Variants in RAD54L2 observed in about 807,000 individuals in gnomAD.
The protein encoded by RAD54L2 is helicase ARIP4.
RAD54L2 carries 27 observed loss-of-function variants against 138.4 expected under a neutral mutation model. The observed-to-expected ratio is 0.20, with a 90% CI of 0.14 to 0.27. The LOEUF (loss-of-function observed/expected upper bound fraction) is 0.27. Among genes scored for constraint, RAD54L2 ranks in the 10% least tolerant of loss-of-function variants. The pLI is 1.00. For synonymous variants in RAD54L2, 644 were observed against 723.2 expected, an observed-to-expected ratio of 0.89 and a Z score of 1.76; for missense variants, 1,396 against 1,890.2, an observed-to-expected ratio of 0.74 and a Z score of 4.85.
intron 2 of RAD54L2, among the ~76,000 whole-genome samples, chr3:51,547,281 C>T (rs1280610319): frequency 2.0e-5 from 3 of 151,728 alleles, no homozygotes; most frequent in South Asian, 4.2e-4. Flanking sequence ...GAGATCGAGG[C>T]GGGACGATTG....
chr3:51,643,135 A>G (rs960167850), intron 15 of RAD54L2, among the ~76,000 whole-genome samples: 1 of 149,074 alleles, frequency 6.7e-6, no homozygotes, highest in African/African-American at 2.5e-5. Flanking sequence ...TCCCAGGTTC[A>G]AGTGATTCTC....
chr3:51,587,770 C>T (rs988997132), intron 2 of RAD54L2, among the ~76,000 whole-genome samples: 2 of 152,042 alleles, frequency 1.3e-5, no homozygotes, highest in Non-Finnish European at 2.9e-5. Flanking sequence ...TTCAAATTAT[C>T]TGAAGCTTAG....
At chr3:51,570,796 T>C (rs1287405118) in intron 2 of RAD54L2, among the ~76,000 whole-genome samples, 1 of 152,188 alleles carries the variant, frequency 6.6e-6, no homozygotes. Flanking sequence ...GCGTGGTGTC[T>C]TTGTACAGAA....
Position 51,638,522 on chromosome 3 carries a change from A to G in RAD54L2, c.1860+201A>G. The G allele has an allele frequency of 1.7e-6, 1 of 600,608 alleles. No homozygotes were observed. 37.2% of individuals were successfully genotyped at this position (600,608 alleles called of 1,614,324 possible). The stretch of plus-strand genomic sequence containing the variant: ...CATAACTCCTGGGGGTGCCATTCAC[A>G]CAGTGTAATATAACTGATGCCCCCT... On this transcript the variant is annotated intron_variant, in intron 12 of 22. Coordinates refer to ENST00000684192, the MANE Select transcript of RAD54L2 (RefSeq NM_015106.4). The surrounding 1 kb of genome is among the most constrained non-coding windows in gnomAD (Gnocchi z 4.3).
At chr3:51,630,658 A>G in intron 6 of RAD54L2, 47 bp from the exon 7 acceptor site, 1 of 1,477,668 alleles carries the variant, frequency 6.8e-7, no homozygotes, top group Non-Finnish European at 9.4e-7. Flanking sequence ...GCAGTAAATT[A>G]TCTTCACTCC....
At chr3:51,563,212 C>A (rs777106585) in intron 2 of RAD54L2, among the ~76,000 whole-genome samples, 9 of 152,138 alleles carry the variant, frequency 5.9e-5, no homozygotes, top group Admixed American at 3.9e-4. Context: ...CATTGGTAAG[C>A]TGTTTTGTAA....
chr3:51,545,172 C>A (rs911045326), intron 2 of RAD54L2, among the ~76,000 whole-genome samples: 1 of 152,040 alleles, frequency 6.6e-6, no homozygotes, highest in Non-Finnish European at 1.5e-5. Flanking sequence ...TATTTAGTTA[C>A]CCTCCTGGAT....
intron 2 of RAD54L2, among the ~76,000 whole-genome samples, chr3:51,588,212 A>G (rs1444400034): frequency 1.4e-5 from 2 of 145,032 alleles, no homozygotes; most frequent in Admixed American, 1.4e-4. Context: ...AAAAAAAAAA[A>G]GATGATTTAC....
chr3:51,544,787 T>C (rs1189188422), intron 2 of RAD54L2, among the ~76,000 whole-genome samples: 1 of 152,172 alleles, frequency 6.6e-6, no homozygotes, highest in Admixed American at 6.6e-5. Context: ...GTATTTTTAG[T>C]ACAAAATTTC....
In RAD54L2 at chr3:51,630,911, C is replaced by T. The variant is rs745665693; in HGVS notation, c.805C>T (p.Arg269Trp). 8.1e-6 allele frequency: 13 copies of T among 1,613,154 alleles called. No homozygotes were observed. Among genetic ancestry groups the T allele is most frequent in the African/African-American group, 4.0e-5 (3 of 75,056 alleles). The change falls in exon 7 of 23, where the codon CGG becomes TGG. Residue 269 changes from arginine (R) to tryptophan (W), a missense_variant. Arg to Trp is a moderately radical substitution (Grantham distance 101). Coordinates refer to ENST00000684192, the MANE Select transcript of RAD54L2 (RefSeq NM_015106.4). Reference protein sequence around the residue: ...ENVFLAPQLARAVKPHQIGGI... With the variant: ...ENVFLAPQLAWAVKPHQIGGI... Reference sequence around the variant, plus strand: ...TGTCTTCCTTGCCCCACAGTTGGCACGGGCTGTGAAACCTCATCAGGTACA... The same window carrying T: ...TGTCTTCCTTGCCCCACAGTTGGCATGGGCTGTGAAACCTCATCAGGTACA...
intron 3 of RAD54L2, among the ~76,000 whole-genome samples, chr3:51,600,965 A>C (rs989072914): frequency 6.6e-6 from 1 of 152,050 alleles, no homozygotes; most frequent in South Asian, 2.1e-4. Flanking sequence ...ACTCCATCTC[A>C]AAAAAACAAA....
intron 2 of RAD54L2, among the ~76,000 whole-genome samples, chr3:51,575,375 A>G (rs974689520): frequency 6.6e-6 from 1 of 152,052 alleles, no homozygotes; most frequent in Non-Finnish European, 1.5e-5. Context: ...TTTTTTTCCA[A>G]TTCTGTGAAG....
Position 51,630,692 on chromosome 3 carries a change from T to C in RAD54L2, c.599-13T>C. ...CCCTGGATTTTTGGTTTTGCTTTTT[T>C]TTGCTGTCTCAGAGGTGATTGAACT... On this transcript the variant is annotated splice_polypyrimidine_tract_variant and intron_variant, in intron 6 of 22. Transcript: ENST00000684192. The C allele has an allele frequency of 6.2e-7, 1 of 1,608,850 alleles. No individual in the cohort carries two copies. Among genetic ancestry groups the C allele is most frequent in the Non-Finnish European group, 8.5e-7 (1 of 1,176,510 alleles).
At chr3:51,554,524 C>CAATAAATA (rs747180756) in intron 2 of RAD54L2, among the ~76,000 whole-genome samples, 5 of 151,718 alleles carry the variant, frequency 3.3e-5, no homozygotes, top group Admixed American at 6.6e-5. Context: ...AACTCCATCT[C>CAATAAATA]AATAAATAAA....
chr3:51,652,240 C>T (rs1284244814), intron 19 of RAD54L2, among the ~76,000 whole-genome samples: 4 of 152,106 alleles, frequency 2.6e-5, no homozygotes, highest in Admixed American at 6.6e-5. Context: ...TGTGAAGGAC[C>T]TCTTCAAGGA....
chr3:51,638,093 A>T lies in RAD54L2; in HGVS notation c.1683-51A>T. On this transcript the variant is annotated intron_variant, in intron 11 of 22. Transcript: ENST00000684192. This position sits in a 1 kb window ranked among gnomAD's most constrained non-coding sequence, Gnocchi z 4.3. ...AAGGCTCTGTTTTTATCTTGTGCTG[A>T]CCCCTCCTGGCCACACTACCTTGCC... 3 of 1,568,224 alleles carry T rather than the reference A, an allele frequency of 1.9e-6. No homozygotes were observed. The highest frequency in any genetic ancestry group is 2.6e-6 in the Non-Finnish European group (3 of 1,143,688).
In RAD54L2 at chr3:51,662,714, G is replaced by A. The variant is rs1167683806; in HGVS notation, c.3698G>A (p.Ser1233Asn). 1 of 1,613,872 alleles carries A rather than the reference G, an allele frequency of 6.2e-7. No individual in the cohort carries two copies. The highest frequency in any genetic ancestry group is 1.1e-5 in the South Asian group (1 of 91,042). The change falls in exon 23 of 23, where the codon AGT becomes AAT. Residue 1233 changes from serine (S) to asparagine (N), a missense_variant. Transcript: ENST00000684192. The surrounding 1 kb of genome is among the most constrained non-coding windows in gnomAD (Gnocchi z 4.6). ...CGACTAGGGGGTCATTGCCTCAATAGTTCCCTCTTGGTGACTGGCCAGCCC... is the reference window on the plus strand; with the variant it reads ...CGACTAGGGGGTCATTGCCTCAATAATTCCCTCTTGGTGACTGGCCAGCCC... ...EPRLGGHCLN[S>N]SLLVTGQPCG...
At position 51,572,699 on chromosome 3, in the gene RAD54L2, C is replaced by G. The variant is rs576913330; in HGVS notation, c.-54-17668C>G. On this transcript the variant is annotated intron_variant, in intron 2 of 22. Transcript: ENST00000684192. ...TGTCACCCAGGCTCGAGTGCAGTGG[C>G]GTGATCTCGGCTCACTGCAACCTCC... Among the ~76,000 whole-genome samples the G allele has an allele frequency of 2.0e-5, 3 of 146,686 alleles. No homozygotes were observed. In the South Asian group the frequency reaches 6.6e-4, roughly 32 times the overall value.
At chr3:51,656,980 A>C (rs1701616904) in intron 20 of RAD54L2, among the ~76,000 whole-genome samples, 1 of 151,854 alleles carries the variant, frequency 6.6e-6, no homozygotes, top group African/African-American at 2.4e-5. Context: ...CAGGCAATCC[A>C]CCCGCCTTGG....
Sources: gnomAD v4.1 joint callset for allele counts (sites outside exome capture counted in the v4.1 genomes callset) on GRCh38, gnomAD v4.1.1 for gene constraint, Gnocchi (gnomAD v3.1) non-coding constraint, MANE v1.5 for transcripts, NCBI Gene and HGNC (gene_info 2026-07-23, HGNC 2026-07-21) for gene names.